STRN: variants seen among roughly 807,000 people sequenced by gnomAD.
STRN encodes the protein striatin.
In STRN, 53 loss-of-function variants were observed where a neutral mutation model predicts 96.3. That is an observed-to-expected ratio of 0.55 (90% CI 0.44 to 0.69). The LOEUF is 0.69. STRN is among the 30% of genes least tolerant of loss of function. The pLI is 0.00. For missense variants in STRN, 987 were observed against 963.9 expected (o/e 1.02, Z -0.32); for synonymous variants, 428 against 355.9 (o/e 1.20, Z -2.28).
At chr2:36,853,205 G>C (rs1668263675) in intron 15 of STRN, among the ~76,000 whole-genome samples, 1 of 152,076 alleles carries the variant, frequency 6.6e-6, no homozygotes, top group South Asian at 2.1e-4. Context: ...TGTGGAGTAA[G>C]TTCTTAGTCA....
At chr2:36,919,289 T>C (rs1670187011) in intron 2 of STRN, among the ~76,000 whole-genome samples, 2 of 152,306 alleles carry the variant, frequency 1.3e-5, no homozygotes, top group Admixed American at 1.3e-4. Context: ...TAAGGGCTAC[T>C]AGCAAGTATT....
chr2:36,904,465 T>A (rs937205836), intron 4 of STRN, among the ~76,000 whole-genome samples: 1 of 152,170 alleles, frequency 6.6e-6, no homozygotes, highest in African/African-American at 2.4e-5. Context: ...CTAGTCTACC[T>A]CTTGATATCA....
chr2:36,851,869 T>A (rs1296913551), intron 15 of STRN, among the ~76,000 whole-genome samples: 1 of 152,198 alleles, frequency 6.6e-6, no homozygotes, highest in African/African-American at 2.4e-5. Flanking sequence ...TTTATCACTC[T>A]TCCTCATCAT....
In STRN at chr2:36,838,445, CAA is replaced by C. The variant is rs1667870185; in HGVS notation, c.*11009_*11010del. On this transcript the variant is annotated 3_prime_UTR_variant, in exon 18 of 18. Coordinates refer to ENST00000263918, the MANE Select transcript of STRN (RefSeq NM_003162.4). ...CAGTTCTGAGTGCAATCCAGATGAC[CAA>C]AACATTTGAAAAGATGTCTACATTT... 1.3e-5 allele frequency among the ~76,000 whole-genome samples: 2 copies of C among 151,962 alleles called. No homozygotes were observed. The highest frequency in any genetic ancestry group is 2.9e-5 in the Non-Finnish European group (2 of 67,992).
At chr2:36,873,113 T>G (rs1668808021) in intron 10 of STRN, among the ~76,000 whole-genome samples, 1 of 152,312 alleles carries the variant, frequency 6.6e-6, no homozygotes, top group Admixed American at 6.5e-5. Context: ...GGTGGCATCC[T>G]ACACATAAGG....
intron 6 of STRN, among the ~76,000 whole-genome samples, chr2:36,896,852 G>C (rs957148090): frequency 1.3e-5 from 2 of 152,088 alleles, no homozygotes; most frequent in African/African-American, 4.8e-5. Flanking sequence ...TGGTGATGAC[G>C]AGAATACTGA....
chr2:36,934,513 G>A (rs936341655), intron 1 of STRN, among the ~76,000 whole-genome samples: 5 of 152,142 alleles, frequency 3.3e-5, no homozygotes, highest in Admixed American at 6.6e-5. Context: ...TTTGTTTATG[G>A]TTAGCTCCAA....
At chr2:36,861,640 A>G (rs574273848) in intron 12 of STRN, among the ~76,000 whole-genome samples, 1 of 152,336 alleles carries the variant, frequency 6.6e-6, no homozygotes, top group East Asian at 1.9e-4. Flanking sequence ...CTCTTTATAT[A>G]AAAAGTATGC....
At chr2:36,947,805 A>G (rs1664621804) in intron 1 of STRN, among the ~76,000 whole-genome samples, 1 of 151,760 alleles carries the variant, frequency 6.6e-6, no homozygotes, top group Non-Finnish European at 1.5e-5. Context: ...ATATGGAACT[A>G]AAGATGACAT....
intron 3 of STRN, among the ~76,000 whole-genome samples, chr2:36,909,598 G>A (rs746292900): frequency 1.3e-5 from 2 of 151,826 alleles, no homozygotes; most frequent in Non-Finnish European, 2.9e-5. Context: ...CATAGCACAG[G>A]GAGGAACAAA....
rs1668128828 is a variant in STRN, at chr2:36,848,208, C to T, written c.*1248G>A. ...ACTGCCCATTAAAACATGTATATCT[C>T]AATTAAACAATGGGGGAGGAATAGG... On this transcript the variant is annotated 3_prime_UTR_variant, in exon 18 of 18. Coordinates refer to ENST00000263918, the MANE Select transcript of STRN (RefSeq NM_003162.4). 2 of 152,072 alleles carry T rather than the reference C, an allele frequency of 1.3e-5. No individual in the cohort carries two copies. The highest frequency in any genetic ancestry group is 4.2e-4 in the South Asian group (2 of 4,816). 9.4% of individuals were successfully genotyped at this position (152,072 alleles called of 1,614,324 possible).
At chr2:36,897,962 G>A (rs1388888996) in intron 6 of STRN, among the ~76,000 whole-genome samples, 1 of 151,888 alleles carries the variant, frequency 6.6e-6, no homozygotes, top group African/African-American at 2.4e-5. Context: ...AGTAGCTGGG[G>A]TTACAGGCAC....
intron 1 of STRN, among the ~76,000 whole-genome samples, chr2:36,942,508 G>A (rs369088456): frequency 1.2e-4 from 18 of 152,130 alleles, no homozygotes; most frequent in Admixed American, 3.3e-4. Flanking sequence ...CGGTGCTCTT[G>A]ATGCATATAG....
At chr2:36,873,558 T>C (rs1480752565) in intron 10 of STRN, among the ~76,000 whole-genome samples, 2 of 151,956 alleles carry the variant, frequency 1.3e-5, no homozygotes, top group African/African-American at 4.8e-5. Flanking sequence ...AGATTCTGTC[T>C]CAAAAAAATT....
intron 1 of STRN, among the ~76,000 whole-genome samples, chr2:36,934,762 C>T (rs990523380): frequency 6.6e-6 from 1 of 152,158 alleles, no homozygotes; most frequent in Admixed American, 6.6e-5. Context: ...TTCCTACTCA[C>T]ACATCCTATG....
intron 14 of STRN, among the ~76,000 whole-genome samples, chr2:36,857,395 C>T (rs992124249): frequency 6.6e-6 from 1 of 152,010 alleles, no homozygotes; most frequent in Non-Finnish European, 1.5e-5. Flanking sequence ...AAATTATAGG[C>T]TGGGTGCAGT....
In STRN at chr2:36,848,039, T is replaced by C. The variant is rs1275291832; in HGVS notation, c.*1417A>G. On this transcript the variant is annotated 3_prime_UTR_variant, in exon 18 of 18. Coordinates refer to ENST00000263918, the MANE Select transcript of STRN (RefSeq NM_003162.4). ...GAGACATAAACCACTATAGAAATAA[T>C]GTCTTTATGACAGGAGACTAGGTCT... is the stretch of plus-strand genomic sequence containing the variant. 3 of 152,202 alleles carry C rather than the reference T, an allele frequency of 2.0e-5. No individual in the cohort carries two copies. Among genetic ancestry groups the C allele is most frequent in the African/African-American group, 4.8e-5 (2 of 41,454 alleles). The allele number at this position is 152,202 out of a possible 1,614,324, so 9.4% of individuals were successfully genotyped here.
intron 9 of STRN, among the ~76,000 whole-genome samples, chr2:36,883,118 T>G (rs1255063210): frequency 2.6e-5 from 4 of 152,194 alleles, no homozygotes; most frequent in African/African-American, 4.8e-5. Context: ...TGTAGAATAA[T>G]GCATATTTTT....
Position 36,940,502 on chromosome 2 carries a change from C to A in STRN, c.235-15294G>T, listed in dbSNP as rs13409003. On this transcript the variant is annotated intron_variant, in intron 1 of 17. Coordinates refer to ENST00000263918, the MANE Select transcript of STRN (RefSeq NM_003162.4). ...TTCCTGTATTCCTCTTGAAACTTTTCTGTAAATCTGAAAACATTTTTGTCT... is the reference window on the plus strand; with the variant it reads ...TTCCTGTATTCCTCTTGAAACTTTTATGTAAATCTGAAAACATTTTTGTCT... Among the ~76,000 whole-genome samples the A allele has an allele frequency of 9.3e-3, 1,416 of 152,024 alleles. 27 individuals carry two copies. The highest frequency in any genetic ancestry group is 0.033 in the African/African-American group (1,358 of 41,458).
Sources: allele counts gnomAD v4.1 joint callset (sites outside exome capture counted in the v4.1 genomes callset), GRCh38; gene constraint gnomAD v4.1.1; transcripts MANE v1.5; gene names NCBI Gene and HGNC (gene_info 2026-07-23, HGNC 2026-07-21).